Variants in ZNRF1 observed in about 807,000 individuals in gnomAD.
ZNRF1 encodes the protein E3 ubiquitin-protein ligase ZNRF1.
A neutral mutation model predicts 18.4 loss-of-function variants in ZNRF1; 3 were observed. The ratio of observed to expected loss-of-function variants is 0.16; its 90% CI spans 0.07 to 0.42. The LOEUF is 0.42. ZNRF1 is among the 10% of genes least tolerant of loss of function. The pLI, the probability that ZNRF1 is intolerant of heterozygous loss-of-function variation, is 0.99. For missense variants in ZNRF1, 310 were observed against 329.8 expected (o/e 0.94, Z 0.47); for synonymous variants, 157 against 144.2 (o/e 1.09, Z -0.64).
At chr16:75,102,051 G>C (rs9932011) in intron 2 of ZNRF1, among the ~76,000 whole-genome samples, 115,015 of 152,110 alleles carry the variant, frequency 0.76, 45,192 homozygotes, top group Non-Finnish European at 0.87. Flanking sequence ...AGGAAGCTGA[G>C]AGTGACTTCT....
Position 75,109,046 on chromosome 16 carries a change from C to T in ZNRF1, c.*1346C>T, listed in dbSNP as rs1305619408. ...GGGTTCTTCCAGGTGTGGGCCCAGC[C>T]CCCCTCCTTCCAGCCTTTGCTCCCC... On this transcript the variant is annotated 3_prime_UTR_variant, in exon 5 of 5. Transcript: ENST00000335325. The T allele has an allele frequency of 6.5e-6, 1 of 153,310 alleles. No individual in the cohort carries two copies. The highest frequency in any genetic ancestry group is 1.9e-4 in the East Asian group (1 of 5,248). The allele number at this position is 153,310 out of a possible 1,614,324, so 9.5% of individuals were successfully genotyped here.
At chr16:75,024,303 C>T (rs1320216947) in intron 1 of ZNRF1, among the ~76,000 whole-genome samples, 4 of 152,154 alleles carry the variant, frequency 2.6e-5, no homozygotes, top group African/African-American at 9.7e-5. Context: ...TAAGAGAAGG[C>T]ATATTGTTAC....
At chr16:75,085,401 C>T (rs1192253845) in intron 1 of ZNRF1, among the ~76,000 whole-genome samples, 2 of 152,164 alleles carry the variant, frequency 1.3e-5, no homozygotes, top group East Asian at 1.9e-4. Flanking sequence ...TTTTATTCCA[C>T]GGATGTACCA....
At chr16:75,076,964 C>T (rs2035947150) in intron 1 of ZNRF1, among the ~76,000 whole-genome samples, 1 of 152,036 alleles carries the variant, frequency 6.6e-6, no homozygotes, top group Non-Finnish European at 1.5e-5. Context: ...TCTCAACCTC[C>T]AGAGCCATGA....
chr16:75,005,762 C>T (rs8058709), intron 1 of ZNRF1, among the ~76,000 whole-genome samples: 8,826 of 152,190 alleles, frequency 0.058, 464 homozygotes, highest in Admixed American at 0.12. Flanking sequence ...TAACAATATA[C>T]TGTGATAAAA....
At chr16:75,033,403 A>C (rs2035332103) in intron 1 of ZNRF1, among the ~76,000 whole-genome samples, 1 of 151,238 alleles carries the variant, frequency 6.6e-6, no homozygotes, top group Non-Finnish European at 1.5e-5. Flanking sequence ...GCTTCATTTA[A>C]GTGCTATTTA....
chr16:75,073,146 C>CTCTCTCTCTCTCTCTCTCTCTCTCTCTG (rs146902791), intron 1 of ZNRF1, among the ~76,000 whole-genome samples: 70 of 128,722 alleles, frequency 5.4e-4, no homozygotes, highest in African/African-American at 2.0e-3. Flanking sequence ...CTCTCTCTCT[C>CTCTCTCTCTCTCTCTCTCTCTCTCTCTG]TCTCTCTGTC....
chr16:75,087,518 CAA>C (rs2036087657), intron 1 of ZNRF1, among the ~76,000 whole-genome samples: 1 of 152,192 alleles, frequency 6.6e-6, no homozygotes, highest in Admixed American at 6.5e-5. Context: ...GATCTGATGA[CAA>C]GAGAAAGAAA....
chr16:75,074,648 A>G (rs1303875125), intron 1 of ZNRF1, among the ~76,000 whole-genome samples: 1 of 152,214 alleles, frequency 6.6e-6, no homozygotes, highest in Non-Finnish European at 1.5e-5. Context: ...GCAAACCAAG[A>G]CATGGACACC....
At chr16:75,046,530 C>T (rs555136004) in intron 1 of ZNRF1, among the ~76,000 whole-genome samples, 55 of 151,664 alleles carry the variant, frequency 3.6e-4, no homozygotes, top group African/African-American at 1.2e-3. Flanking sequence ...AGATTACAGG[C>T]GTGAGCCACC....
intron 1 of ZNRF1, among the ~76,000 whole-genome samples, chr16:75,079,911 G>T (rs1215234456): frequency 2.0e-5 from 3 of 152,184 alleles, no homozygotes; most frequent in South Asian, 2.1e-4. Flanking sequence ...TTTGTTTTTT[G>T]TTTTTTGTTT....
Position 75,104,693 on chromosome 16 carries a change from G to A in ZNRF1, c.521-91G>A, listed in dbSNP as rs927453327. ...GCCGGGCACAGCTTGGGGCAGCTAA[G>A]CAGTCCCCTAGTTCCTAGGCCCTTG... On this transcript the variant is annotated intron_variant, in intron 2 of 4. Coordinates refer to ENST00000335325, the MANE Select transcript of ZNRF1 (RefSeq NM_032268.5). The A allele has an allele frequency of 4.4e-6, 5 of 1,131,766 alleles. No homozygotes were observed. The African/African-American group carries it at 6.1e-5, about 14-fold the overall frequency. The allele number at this position is 1,131,766 out of a possible 1,614,324, so 70.1% of individuals were successfully genotyped here.
chr16:75,019,463 A>G (rs1467742318), intron 1 of ZNRF1, among the ~76,000 whole-genome samples: 2 of 152,174 alleles, frequency 1.3e-5, no homozygotes, highest in African/African-American at 2.4e-5. Context: ...TGATAATCAC[A>G]GAACAGTCTG....
At chr16:75,068,227 G>T (rs775135723) in intron 1 of ZNRF1, among the ~76,000 whole-genome samples, 4 of 147,704 alleles carry the variant, frequency 2.7e-5, no homozygotes. Flanking sequence ...AGCTGGGCAT[G>T]ATTGCATGCA....
At position 75,000,431 on chromosome 16, in the gene ZNRF1, C is replaced by T. The variant is rs1197335607; in HGVS notation, c.424+336C>T. ...GCAAGTCAGCCTGGGTACTTCCATT[C>T]TGCCACTGCAGCACTGTGCCTGCCT... On this transcript the variant is annotated intron_variant, in intron 1 of 4. Transcript: ENST00000335325. 7 of 497,546 alleles carry T rather than the reference C, an allele frequency of 1.4e-5. No homozygotes were observed. In the East Asian group the frequency reaches 2.5e-4, roughly 17 times the overall value. 30.8% of individuals were successfully genotyped at this position (497,546 alleles called of 1,614,324 possible).
At chr16:75,040,797 G>C (rs1322273923) in intron 1 of ZNRF1, among the ~76,000 whole-genome samples, 1 of 151,244 alleles carries the variant, frequency 6.6e-6, no homozygotes, top group Non-Finnish European at 1.5e-5. Flanking sequence ...TAGTAGAGAT[G>C]GGGTTTCATC....
chr16:75,091,724 A>G (rs1328093081), intron 1 of ZNRF1, among the ~76,000 whole-genome samples: 3 of 151,578 alleles, frequency 2.0e-5, no homozygotes, highest in South Asian at 4.2e-4. Flanking sequence ...TTTTGTAGAG[A>G]CAGGCTTTTG....
chr16:74,999,737 C>A lies in ZNRF1; in HGVS notation c.66C>A (p.Asp22Glu). Residue 22 changes from aspartate to glutamate, a missense_variant, in exon 1 of 5, where the codon GAC (aspartate) becomes GAA (glutamate). Transcript: ENST00000335325. The stretch of plus-strand genomic sequence containing the variant: ...CCTTCCCGGGGGTCTCCACCGATGA[C>A]AGCGCCGTGCCGCCGCCGGGAGGGG... ...RGPFPGVSTD[D>E]SAVPPPGGAP... 2 of 1,391,118 alleles carry A rather than the reference C, an allele frequency of 1.4e-6. No homozygotes were observed. Among genetic ancestry groups the A allele is most frequent in the Non-Finnish European group, 9.3e-7 (1 of 1,079,344 alleles). 86.2% of individuals were successfully genotyped at this position (1,391,118 alleles called of 1,614,324 possible).
At chr16:75,090,353 T>G (rs964500767) in intron 1 of ZNRF1, among the ~76,000 whole-genome samples, 1 of 142,722 alleles carries the variant, frequency 7.0e-6, no homozygotes, top group African/African-American at 2.4e-5. Context: ...TTCTTTATAG[T>G]CTTCTGGGGT....
Sources: allele counts gnomAD v4.1 joint callset (sites outside exome capture counted in the v4.1 genomes callset), GRCh38; gene constraint gnomAD v4.1.1; transcripts MANE v1.5; gene names NCBI Gene and HGNC (gene_info 2026-07-23, HGNC 2026-07-21).